WNT5B: variants seen among roughly 807,000 people sequenced by gnomAD.
WNT5B encodes the protein Wnt family member 5B.
In WNT5B, 18 loss-of-function variants were observed where a neutral mutation model predicts 36.5. The ratio of observed to expected loss-of-function variants is 0.49; its 90% CI spans 0.34 to 0.73. The LOEUF is 0.73. WNT5B is among the 30% of genes least tolerant of loss of function. WNT5B has a pLI of 0.01. For missense variants in WNT5B, 424 were observed against 508.4 expected (o/e 0.83, Z 1.60); for synonymous variants, 213 against 212.3 (o/e 1.00, Z -0.03).
intron 1 of WNT5B, among the ~76,000 whole-genome samples, chr12:1,624,152 C>T (rs1186459554): frequency 7.2e-5 from 11 of 152,038 alleles, no homozygotes; most frequent in Non-Finnish European, 1.5e-4. Flanking sequence ...TTTGGGAGGC[C>T]GAGGCAGGTG....
At chr12:1,636,044 C>G (rs1407597771) in intron 3 of WNT5B, among the ~76,000 whole-genome samples, 1 of 152,138 alleles carries the variant, frequency 6.6e-6, no homozygotes, top group Non-Finnish European at 1.5e-5. Flanking sequence ...CCTTCCAAGA[C>G]AAGACTCTGG....
intron 4 of WNT5B, among the ~76,000 whole-genome samples, chr12:1,642,355 C>T (rs1443611739): frequency 6.6e-6 from 1 of 152,186 alleles, no homozygotes; most frequent in Non-Finnish European, 1.5e-5. Flanking sequence ...ACACTGCCCT[C>T]CCCAGTCCCC....
In WNT5B at chr12:1,645,881, G is replaced by A. The variant is rs759736172; in HGVS notation, c.709G>A (p.Glu237Lys). The A allele has an allele frequency of 3.7e-6, 6 of 1,611,418 alleles. No individual in the cohort carries two copies. The highest frequency in any genetic ancestry group is 1.3e-5 in the African/African-American group (1 of 74,926). ...SLKTCWLQLA[E>K]FRKVGDRLKE... is the part of the protein sequence containing the mutation. ...CAAGACCTGCTGGCTGCAGCTGGCC[G>A]AGTTCCGCAAGGTCGGGGACCGGCT... Residue 237 changes from glutamate (E) to lysine (K), a missense_variant, in exon 5 of 5, where the codon GAG (glutamate) becomes AAG (lysine). Glu to Lys is a moderately conservative substitution (Grantham distance 56). Transcript: ENST00000397196.
intron 1 of WNT5B, among the ~76,000 whole-genome samples, chr12:1,621,243 G>A (rs2094533467): frequency 6.6e-6 from 1 of 152,038 alleles, no homozygotes; most frequent in Admixed American, 6.6e-5. Flanking sequence ...AGAGGGAGGA[G>A]TCACAAAGGA....
rs1565607642 is a variant in WNT5B, at chr12:1,633,219, T to A, written c.328+314T>A. Among the ~76,000 whole-genome samples the A allele has an allele frequency of 6.6e-6, 1 of 152,038 alleles. No homozygotes were observed. The highest frequency in any genetic ancestry group is 1.5e-5 in the Non-Finnish European group (1 of 68,014). ...GAGGGGGCAGGACATCTGAGTTGAC[T>A]TAGAGTGGATTAGGAGAGCCGCCCA... On this transcript the variant is annotated intron_variant, in intron 3 of 4. Transcript: ENST00000397196. The surrounding 1 kb of genome is among the most constrained non-coding windows in gnomAD (Gnocchi z 4.8).
chr12:1,621,707 A>T (rs74768627), intron 1 of WNT5B, among the ~76,000 whole-genome samples: 2 of 141,004 alleles, frequency 1.4e-5, no homozygotes, highest in African/African-American at 2.6e-5. Flanking sequence ...ATATCCAGCT[A>T]TTTTTTTTTT....
Position 1,646,056 on chromosome 12 carries a change from G to A in WNT5B, c.884G>A (p.Gly295Asp). 6.2e-7 allele frequency: 1 copy of A among 1,613,524 alleles called. No individual in the cohort carries two copies. Among genetic ancestry groups the A allele is most frequent in the Non-Finnish European group, 8.5e-7 (1 of 1,180,034 alleles). Reference sequence around the variant, plus strand: ...TACTGCCTGCGCAACGAGAGCACGGGCTCCCTGGGCACGCAGGGCCGCCTC... The same window carrying A: ...TACTGCCTGCGCAACGAGAGCACGGACTCCCTGGGCACGCAGGGCCGCCTC... ...PDYCLRNEST[G>D]SLGTQGRLCN... The change falls in exon 5 of 5, where the codon GGC (glycine) becomes GAC (aspartate). Residue 295 changes from glycine to aspartate, a missense_variant. Transcript: ENST00000397196.
At chr12:1,627,150 G>A (rs971732762), upstream of WNT5B, among the ~76,000 whole-genome samples, 18 of 152,318 alleles carry the variant, frequency 1.2e-4, no homozygotes, top group South Asian at 2.1e-4. The surrounding 1 kb of genome is among the most constrained non-coding windows in gnomAD (Gnocchi z 5.0). Flanking sequence ...GGCGATGGGG[G>A]CCTTCTCTGG....
intron 4 of WNT5B, among the ~76,000 whole-genome samples, chr12:1,642,409 C>T (rs1386050828): frequency 1.3e-5 from 2 of 152,224 alleles, no homozygotes; most frequent in Non-Finnish European, 2.9e-5. Flanking sequence ...ATCGGGCATT[C>T]TTGCTCTTCT....
intron 4 of WNT5B, among the ~76,000 whole-genome samples, chr12:1,642,577 G>A (rs114044987): frequency 2.5e-3 from 382 of 152,246 alleles, no homozygotes; most frequent in African/African-American, 8.3e-3. Flanking sequence ...TTGCCTCCTC[G>A]GGAGAGGTCA....
At chr12:1,627,446 C>T (rs554451558), upstream of WNT5B, among the ~76,000 whole-genome samples, 6 of 152,276 alleles carry the variant, frequency 3.9e-5, no homozygotes, top group East Asian at 1.2e-3. The surrounding 1 kb of genome is among the most constrained non-coding windows in gnomAD (Gnocchi z 5.0). Flanking sequence ...TCCTGTGGGG[C>T]AGAGATGTTG....
At chr12:1,627,977 G>A (rs547442021), upstream of WNT5B, among the ~76,000 whole-genome samples, 6 of 152,272 alleles carry the variant, frequency 3.9e-5, no homozygotes, top group East Asian at 9.6e-4. This position sits in a 1 kb window ranked among gnomAD's most constrained non-coding sequence, Gnocchi z 5.0. Flanking sequence ...GGCACCCAGG[G>A]TGTAATTCAT....
upstream of WNT5B, among the ~76,000 whole-genome samples, chr12:1,627,707 T>A (rs2094543147): frequency 6.6e-6 from 1 of 152,142 alleles, no homozygotes. This position sits in a 1 kb window ranked among gnomAD's most constrained non-coding sequence, Gnocchi z 5.0. Flanking sequence ...ACCTTGGATG[T>A]GCTCTAGAGG....
In WNT5B at chr12:1,632,805, C is replaced by T; in HGVS notation, c.228C>T (p.Ala76=). 2 of 1,614,130 alleles carry T rather than the reference C, an allele frequency of 1.2e-6. No homozygotes were observed. Among genetic ancestry groups the T allele is most frequent in the South Asian group, 2.2e-5 (2 of 91,074 alleles). The change falls in exon 3 of 5, where the codon GCC becomes GCT. Residue 76 remains alanine, a synonymous_variant. Transcript: ENST00000397196. This position sits in a 1 kb window ranked among gnomAD's most constrained non-coding sequence, Gnocchi z 5.8. The part of the protein sequence containing the change: ...QEHMAYIGEG[A]KTGIKECQHQ... ...ACATGGCCTACATAGGGGAGGGAGCCAAGACTGGCATCAAGGAATGCCAGC... is the reference window on the plus strand; with the variant it reads ...ACATGGCCTACATAGGGGAGGGAGCTAAGACTGGCATCAAGGAATGCCAGC...
At chr12:1,635,866 A>G (rs1233698529) in intron 3 of WNT5B, among the ~76,000 whole-genome samples, 3 of 152,130 alleles carry the variant, frequency 2.0e-5, no homozygotes, top group Admixed American at 6.5e-5. Context: ...GGCTATTCCT[A>G]TTTCACAACT....
rs2094584879 is a variant in WNT5B, at chr12:1,646,009, C to T, written c.837C>T (p.Val279=). 3.1e-6 allele frequency: 5 copies of T among 1,612,346 alleles called. No homozygotes were observed. The highest frequency in any genetic ancestry group is 4.2e-6 in the Non-Finnish European group (5 of 1,179,952). The part of the protein sequence containing the change: ...RFTQPTPEDL[V]YVDPSPDYCL... ...CCCAGCCCACCCCGGAGGACCTGGT[C>T]TATGTGGACCCCAGCCCCGACTACT... is the stretch of plus-strand genomic sequence containing the variant. Residue 279 remains valine (V), a synonymous_variant, in exon 5 of 5, where the codon GTC becomes GTT. Coordinates refer to ENST00000397196, the MANE Select transcript of WNT5B (RefSeq NM_032642.3).
intron 4 of WNT5B, 124 bp downstream of exon 4, chr12:1,640,100 A>T: frequency 8.5e-7 from 1 of 1,170,988 alleles, no homozygotes; most frequent in Non-Finnish European, 1.2e-6. Flanking sequence ...ATTCTTACCT[A>T]CGATTGCAAA....
rs1246242067 is a variant in WNT5B at position 1,618,036 on chromosome 12, G to A, written c.-58+893G>A. Among the ~76,000 whole-genome samples, 1 of 152,180 alleles carries A rather than the reference G, an allele frequency of 6.6e-6. No homozygotes were observed. Among genetic ancestry groups the A allele is most frequent in the Non-Finnish European group, 1.5e-5 (1 of 68,044 alleles). Reference sequence around the variant, plus strand: ...TTACACCTGTAGTCCCAGCTACTCAGGAGGCTGAGGTGGGAGGATCGCTTG... The same window carrying A: ...TTACACCTGTAGTCCCAGCTACTCAAGAGGCTGAGGTGGGAGGATCGCTTG... On this transcript the variant is annotated intron_variant, in intron 1 of 4. Transcript: ENST00000310594. This position sits in a 1 kb window ranked among gnomAD's most constrained non-coding sequence, Gnocchi z 4.1.
intron 4 of WNT5B, among the ~76,000 whole-genome samples, chr12:1,643,187 G>A (rs534073847): frequency 1.3e-5 from 2 of 152,042 alleles, no homozygotes; most frequent in East Asian, 1.9e-4. Context: ...AGACGGTGGC[G>A]GCAACACCAG....
Sources: gnomAD v4.1 joint callset for allele counts (sites outside exome capture counted in the v4.1 genomes callset) on GRCh38, gnomAD v4.1.1 for gene constraint, Gnocchi (gnomAD v3.1) non-coding constraint, MANE v1.5 for transcripts, NCBI Gene and HGNC (gene_info 2026-07-23, HGNC 2026-07-21) for gene names.